Variants in ATP9B observed in about 807,000 individuals in gnomAD.
ATP9B encodes ATPase phospholipid transporting 9B, also known as probable phospholipid-transporting ATPase IIB.
A neutral mutation model predicts 146.1 loss-of-function variants in ATP9B; 110 were observed. The observed-to-expected ratio is 0.75, with a 90% CI of 0.65 to 0.88. ATP9B has a LOEUF of 0.88. Among genes scored for constraint, ATP9B ranks in the 40% least tolerant of loss-of-function variants. The probability of loss-of-function intolerance (pLI) is 0.00; values close to 1 mark genes in which losing one functional copy is unlikely to be tolerated. For missense variants in ATP9B, 1,499 were observed against 1,496.4 expected, an observed-to-expected ratio of 1.00 and a Z score of -0.03; for synonymous variants, 604 against 569.7, an observed-to-expected ratio of 1.06 and a Z score of -0.86.
At chr18:79,200,727 G>GTCGGGGTCAGAGCAGAGGAGGAGGTGGGA in intron 9 of ATP9B, among the ~76,000 whole-genome samples, 1 of 45,570 alleles carries the variant, frequency 2.2e-5, no homozygotes, top group Non-Finnish European at 5.3e-5. Flanking sequence ...TGGAGGTGGG[G>GTCGGGGTCAGAGCAGAGGAGGAGGTGGGA]ACTGTCGGGG....
chr18:79,288,359 T>A (rs2096465775), intron 13 of ATP9B, among the ~76,000 whole-genome samples: 1 of 152,218 alleles, frequency 6.6e-6, no homozygotes, highest in Non-Finnish European at 1.5e-5. Flanking sequence ...TTGATCCCTT[T>A]ACCATTATGT....
intron 12 of ATP9B, among the ~76,000 whole-genome samples, chr18:79,272,300 A>C (rs1285019199): frequency 6.6e-6 from 1 of 152,210 alleles, no homozygotes. Flanking sequence ...TTTAGGGTGT[A>C]TCTCTGCCTT....
intron 25 of ATP9B, among the ~76,000 whole-genome samples, chr18:79,350,864 G>T (rs1334614732): frequency 6.6e-6 from 1 of 151,626 alleles, no homozygotes; most frequent in Non-Finnish European, 1.5e-5. Context: ...TGCCTCCTAG[G>T]TTCAAGTGAT....
At chr18:79,202,893 T>G (rs2095501475) in intron 9 of ATP9B, among the ~76,000 whole-genome samples, 1 of 152,266 alleles carries the variant, frequency 6.6e-6, no homozygotes, top group Admixed American at 6.5e-5. Context: ...ATAGAACCTT[T>G]TGTTTACATT....
At chr18:79,360,085 G>A (rs2096978771) in intron 26 of ATP9B, 1 of 155,544 alleles carries the variant, frequency 6.4e-6, no homozygotes, top group South Asian at 2.0e-4. Context: ...ACTGTGCTCT[G>A]TTAGGATTAA....
chr18:79,153,240 T>C (rs2094719153), intron 6 of ATP9B, among the ~76,000 whole-genome samples: 1 of 152,230 alleles, frequency 6.6e-6, no homozygotes, highest in Admixed American at 6.5e-5. Context: ...TTATGTGACG[T>C]ATTCTTAATA....
chr18:79,182,954 T>C (rs2095267044), intron 8 of ATP9B, among the ~76,000 whole-genome samples: 1 of 152,256 alleles, frequency 6.6e-6, no homozygotes, highest in Admixed American at 6.5e-5. Flanking sequence ...CTAATAGTAA[T>C]GTGTGCATTG....
At chr18:79,359,324 G>A (rs200835434) in intron 25 of ATP9B, 30 bp from the exon 26 acceptor site, 42 of 1,528,772 alleles carry the variant, frequency 2.7e-5, no homozygotes, top group African/African-American at 1.6e-4. Context: ...AGTTTCTCAC[G>A]CCCATTGCAC....
intron 14 of ATP9B, among the ~76,000 whole-genome samples, chr18:79,305,985 C>T (rs1049314311): frequency 1.3e-5 from 2 of 152,198 alleles, no homozygotes; most frequent in African/African-American, 2.4e-5. Flanking sequence ...CTAAACATCA[C>T]GTAGTTTGGA....
chr18:79,375,946 T>C (rs2097099521), intron 29 of ATP9B: 1 of 985,390 alleles, frequency 1.0e-6, no homozygotes, highest in Admixed American at 6.1e-5. Flanking sequence ...ATCTGCCTCT[T>C]TTCATGCGGA....
At chr18:79,226,762 T>C (rs958445384) in intron 11 of ATP9B, among the ~76,000 whole-genome samples, 2 of 152,186 alleles carry the variant, frequency 1.3e-5, no homozygotes, top group Non-Finnish European at 2.9e-5. Context: ...GGTGGACTTA[T>C]CTTTAATAAA....
intron 12 of ATP9B, 25 bp downstream of exon 12, chr18:79,253,566 C>T (rs992532253): frequency 1.1e-5 from 17 of 1,551,648 alleles, no homozygotes; most frequent in Non-Finnish European, 1.3e-5. Context: ...GAAAATAAAA[C>T]AAATGTCTGG....
chr18:79,297,309 G>A (rs1457727226), intron 13 of ATP9B, among the ~76,000 whole-genome samples: 19 of 140,310 alleles, frequency 1.4e-4, no homozygotes, highest in Non-Finnish European at 2.6e-4. Context: ...ACCCAGAGAG[G>A]AGAAAGAGAG....
At chr18:79,344,918 C>T (rs1285027499) in intron 21 of ATP9B, among the ~76,000 whole-genome samples, 1 of 152,200 alleles carries the variant, frequency 6.6e-6, no homozygotes, top group African/African-American at 2.4e-5. Context: ...TGGCCCCCGG[C>T]TGAGGGAACT....
chr18:79,282,732 CT>C (rs985339130), intron 13 of ATP9B, among the ~76,000 whole-genome samples: 8 of 152,276 alleles, frequency 5.3e-5, no homozygotes, highest in African/African-American at 1.9e-4. Context: ...AGCGCTTCCC[CT>C]GTCTCTCAGT....
chr18:79,297,886 G>A (rs2096564310), intron 13 of ATP9B, among the ~76,000 whole-genome samples: 1 of 146,960 alleles, frequency 6.8e-6, no homozygotes, highest in Admixed American at 7.0e-5. Flanking sequence ...GAGCAGGAAG[G>A]GATGCAGAAA....
At chr18:79,342,818 A>T (rs566535263) in intron 20 of ATP9B, among the ~76,000 whole-genome samples, 1 of 152,242 alleles carries the variant, frequency 6.6e-6, no homozygotes. Context: ...ACATTTTTCT[A>T]CAAGTTATAC....
chr18:79,130,441 G>A (rs894460883), intron 5 of ATP9B, among the ~76,000 whole-genome samples: 5 of 151,144 alleles, frequency 3.3e-5, no homozygotes, highest in Admixed American at 6.6e-5. Flanking sequence ...AAACAAAACC[G>A]CTCTTAAGAG....
chr18:79,247,238 A>C (rs1260810080), intron 11 of ATP9B, among the ~76,000 whole-genome samples: 1 of 152,266 alleles, frequency 6.6e-6, no homozygotes, highest in Non-Finnish European at 1.5e-5. Context: ...ACACACTAAC[A>C]GATGGAATCC....
Sources: allele counts gnomAD v4.1 joint callset (sites outside exome capture counted in the v4.1 genomes callset), GRCh38; gene constraint gnomAD v4.1.1; transcripts MANE v1.5; gene names NCBI Gene and HGNC (gene_info 2026-07-23, HGNC 2026-07-21).